Variants in SCYL3 observed in about 807,000 individuals in gnomAD.
SCYL3 encodes the protein SCY1 like pseudokinase 3, also known as protein-associating with the carboxyl-terminal domain of ezrin.
In SCYL3, 35 loss-of-function variants were observed where a neutral mutation model predicts 73.8. The observed-to-expected ratio is 0.47, with a 90% CI of 0.36 to 0.63. SCYL3 has a LOEUF of 0.63. Among genes scored for constraint, SCYL3 ranks in the 20% least tolerant of loss-of-function variants. The probability of loss-of-function intolerance (pLI) is 0.00; values close to 1 mark genes in which losing one functional copy is unlikely to be tolerated. For missense variants in SCYL3, 712 were observed against 798.9 expected, an observed-to-expected ratio of 0.89 and a Z score of 1.31; for synonymous variants, 277 against 295.2, an observed-to-expected ratio of 0.94 and a Z score of 0.63.
At chr1:169,863,241 C>G (rs1185319113) in intron 9 of SCYL3, among the ~76,000 whole-genome samples, 1 of 152,128 alleles carries the variant, frequency 6.6e-6, no homozygotes, top group Non-Finnish European at 1.5e-5. Flanking sequence ...TGCTCCAAAC[C>G]AAAGCAAAGT....
At chr1:169,890,053 C>G (rs1465586493) in intron 1 of SCYL3, among the ~76,000 whole-genome samples, 1 of 152,166 alleles carries the variant, frequency 6.6e-6, no homozygotes, top group African/African-American at 2.4e-5. Flanking sequence ...TGCAGTGCCC[C>G]AGCAGTACTG....
Position 169,888,744 on chromosome 1 carries a change from C to A in SCYL3, c.97G>T (p.Asp33Tyr). ...GLAVYPAVLQ[D>Y]GKFASVFVYK... Reference sequence around the variant, plus strand: ...ACAAAAACTGAAGCAAATTTGCCATCTTGCAGTACAGCGGGATAAACAGCA... The same window carrying A: ...ACAAAAACTGAAGCAAATTTGCCATATTGCAGTACAGCGGGATAAACAGCA... The change falls in exon 2 of 13, where the codon GAT (aspartate) becomes TAT (tyrosine). Residue 33 changes from aspartate (D) to tyrosine (Y), a missense_variant. Transcript: ENST00000367771. 6.2e-7 allele frequency: 1 copy of A among 1,614,102 alleles called. No homozygotes were observed. The highest frequency in any genetic ancestry group is 8.5e-7 in the Non-Finnish European group (1 of 1,179,966).
intron 5 of SCYL3, 31 bp from the exon 6 acceptor site, chr1:169,870,388 G>C (rs1432551123): frequency 6.8e-7 from 1 of 1,460,042 alleles, no homozygotes; most frequent in Non-Finnish European, 9.6e-7. Flanking sequence ...TAAAACTAGA[G>C]GATCTGCCTT....
At position 169,854,601 on chromosome 1, in the gene SCYL3, A is replaced by G. The variant is rs1265786850; in HGVS notation, c.1676T>C (p.Met559Thr). The change falls in exon 12 of 13, where the codon ATG becomes ACG. Residue 559 changes from methionine to threonine, a missense_variant. Transcript: ENST00000367771. ...TTGGGGTAAGCTTGATTTCCAAGGC[A>G]TAGACTCTTCAGTGAGTGAAAGCAA... Reference protein sequence around the residue: ...PALLSLTEESMPWKSSLPQKI... With the variant: ...PALLSLTEESTPWKSSLPQKI... 1.9e-6 allele frequency: 3 copies of G among 1,614,056 alleles called. No individual in the cohort carries two copies. The highest frequency in any genetic ancestry group is 4.5e-5 in the East Asian group (2 of 44,878).
chr1:169,884,182 G>T (rs1661508588), intron 2 of SCYL3, among the ~76,000 whole-genome samples: 1 of 152,048 alleles, frequency 6.6e-6, no homozygotes, highest in South Asian at 2.1e-4. Context: ...TCTTTAACTA[G>T]CAATTACAAA....
chr1:169,861,418 G>A (rs1659641729), intron 10 of SCYL3, among the ~76,000 whole-genome samples: 1 of 152,144 alleles, frequency 6.6e-6, no homozygotes, highest in Admixed American at 6.6e-5. Flanking sequence ...AGCCCCCCAA[G>A]CTTCCTGAAA....
At chr1:169,869,575 G>C (rs927303971) in intron 6 of SCYL3, among the ~76,000 whole-genome samples, 1 of 152,182 alleles carries the variant, frequency 6.6e-6, no homozygotes, top group African/African-American at 2.4e-5. Context: ...AGAATAAACC[G>C]CATTAGAACT....
At position 169,872,522 on chromosome 1, in the gene SCYL3, C is replaced by T. The variant is rs1226328202; in HGVS notation, c.522+1174G>A. 2.0e-5 allele frequency among the ~76,000 whole-genome samples: 3 copies of T among 152,228 alleles called. No individual in the cohort carries two copies. In the East Asian group the frequency reaches 5.8e-4, roughly 29 times the overall value. The stretch of plus-strand genomic sequence containing the variant: ...CCCACACAGAGTTCCTACTGGAGCA[C>T]TGCCTAATGGAGCTGTGAGAAGGAG... On this transcript the variant is annotated intron_variant, in intron 5 of 12. Transcript: ENST00000367771.
Position 169,853,420 on chromosome 1 carries a change from G to C in SCYL3, c.*293C>G, listed in dbSNP as rs1658688506. 5.1e-6 allele frequency: 2 copies of C among 389,888 alleles called. No homozygotes were observed. The highest frequency in any genetic ancestry group is 1.1e-4 in the South Asian group (2 of 18,134). The allele number at this position is 389,888 out of a possible 1,614,324, so 24.2% of individuals were successfully genotyped here. On this transcript the variant is annotated 3_prime_UTR_variant, in exon 13 of 13. Transcript: ENST00000367771. ...TACTTCCAGAATTGTCCTGGAAAAAGCAGTAAATTCGACCTCTCCTCAGCT... is the reference window on the plus strand; with the variant it reads ...TACTTCCAGAATTGTCCTGGAAAAACCAGTAAATTCGACCTCTCCTCAGCT...
chr1:169,862,103 A>C (rs1414933426), intron 10 of SCYL3, among the ~76,000 whole-genome samples: 2 of 152,226 alleles, frequency 1.3e-5, no homozygotes, highest in Admixed American at 6.5e-5. Context: ...AGAACTAAAA[A>C]TAAATTTGTA....
rs945082072 is a variant in SCYL3 at position 169,864,245 on chromosome 1, C to A, written c.955+124G>T. 8 of 1,296,016 alleles carry A rather than the reference C, an allele frequency of 6.2e-6. No individual in the cohort carries two copies. The African/African-American group carries it at 7.4e-5, about 12-fold the overall frequency. 80.3% of individuals were successfully genotyped at this position (1,296,016 alleles called of 1,614,324 possible). A position where few individuals can be genotyped will look rare whatever the true frequency, so the allele number is the denominator to read the frequency against. ...TTAAAGTTATCACATCAGGGGCCAACAATTGTTCTCCGTTTTTAGAACCAA... is the reference window on the plus strand; with the variant it reads ...TTAAAGTTATCACATCAGGGGCCAAAAATTGTTCTCCGTTTTTAGAACCAA... On this transcript the variant is annotated intron_variant, in intron 9 of 12. Coordinates refer to ENST00000367771, the MANE Select transcript of SCYL3 (RefSeq NM_020423.7).
intron 2 of SCYL3, among the ~76,000 whole-genome samples, chr1:169,879,810 AAAGT>A (rs1661117551): frequency 6.6e-6 from 1 of 152,234 alleles, no homozygotes; most frequent in Non-Finnish European, 1.5e-5. Flanking sequence ...AGATAAAGGA[AAAGT>A]TATAAAATAA....
Position 169,869,003 on chromosome 1 carries a change from A to G in SCYL3, c.662T>C (p.Leu221Ser). 1.9e-6 allele frequency: 3 copies of G among 1,614,178 alleles called. No individual in the cohort carries two copies. Among genetic ancestry groups the G allele is most frequent in the South Asian group, 1.1e-5 (1 of 91,082 alleles). Residue 221 changes from leucine (L) to serine (S), a missense_variant, in exon 7 of 13, where the codon TTG (leucine) becomes TCG (serine). This residue lies in a region of SCYL3 where 342 missense variants were observed against 448.1 expected (regional missense o/e 0.76). Transcript: ENST00000367771. ...AATGGGATTCAGCAAAGTTGAGTGCAAGGTCTGTTGAAAGCTGGAGAGAAC... is the reference window on the plus strand; with the variant it reads ...AATGGGATTCAGCAAAGTTGAGTGCGAGGTCTGTTGAAAGCTGGAGAGAAC... ...ADVLSSFQQT[L>S]HSTLLNPIPK...
intron 7 of SCYL3, among the ~76,000 whole-genome samples, chr1:169,868,370 A>G (rs1391106697): frequency 6.6e-6 from 1 of 152,216 alleles, no homozygotes; most frequent in Non-Finnish European, 1.5e-5. Flanking sequence ...AAAAAAATGA[A>G]GGACACATAA....
intron 11 of SCYL3, chr1:169,855,975 C>T (rs1328551011): frequency 6.2e-7 from 1 of 1,605,972 alleles, no homozygotes; most frequent in African/African-American, 1.3e-5. Flanking sequence ...TAAATAAAAA[C>T]TCCAAAACAT....
chr1:169,890,872 A>C (rs930036874), intron 1 of SCYL3, among the ~76,000 whole-genome samples: 1 of 152,236 alleles, frequency 6.6e-6, no homozygotes, highest in African/African-American at 2.4e-5. Flanking sequence ...TTTATGTGGG[A>C]CCATGGGTAA....
intron 11 of SCYL3, chr1:169,855,932 G>C: frequency 1.2e-6 from 2 of 1,613,662 alleles, no homozygotes; most frequent in East Asian, 2.2e-5. Context: ...GACTGTGATG[G>C]CTGCAGACGA....
intron 2 of SCYL3, among the ~76,000 whole-genome samples, chr1:169,885,833 A>G (rs1172363354): frequency 6.6e-6 from 1 of 152,162 alleles, no homozygotes; most frequent in Admixed American, 6.5e-5. Context: ...TTAACATCCA[A>G]GGAAAAAGGA....
At position 169,852,232 on chromosome 1, in the gene SCYL3, T is replaced by TGAAA. The variant is rs1658459228; in HGVS notation, c.*1477_*1480dup. ...GTCTTTACTGAACCACAGAAGAAAA[T>TGAAA]GAAAGAAACTTACTCCTAAATGTTT... On this transcript the variant is annotated 3_prime_UTR_variant, in exon 13 of 13. Transcript: ENST00000367771. 1.1e-5 allele frequency: 4 copies of TGAAA among 373,476 alleles called. No homozygotes were observed. The highest frequency in any genetic ancestry group is 1.9e-5 in the Non-Finnish European group (4 of 205,946). The allele number at this position is 373,476 out of a possible 1,614,324, so 23.1% of individuals were successfully genotyped here.
Sources: allele counts gnomAD v4.1 joint callset (sites outside exome capture counted in the v4.1 genomes callset), GRCh38; gene constraint gnomAD v4.1.1; regional missense constraint gnomAD v4.1.1; transcripts MANE v1.5; gene names NCBI Gene and HGNC (gene_info 2026-07-23, HGNC 2026-07-21).